ANKS1B: variants seen among roughly 807,000 people sequenced by gnomAD.
ANKS1B encodes ankyrin repeat and sterile alpha motif domain containing 1B, also known as ankyrin repeat and sterile alpha motif domain-containing protein 1B.
Under a neutral mutation model 148.3 loss-of-function variants are expected in ANKS1B, and 36 were observed. The ratio of observed to expected loss-of-function variants is 0.24; its 90% CI spans 0.19 to 0.32. The LOEUF is 0.32. ANKS1B is among the 10% of genes least tolerant of loss of function. The pLI, the probability that ANKS1B is intolerant of heterozygous loss-of-function variation, is 1.00. For synonymous variants in ANKS1B, 542 were observed against 560.8 expected (o/e 0.97, Z 0.47); for missense variants, 1,157 against 1,542.6 (o/e 0.75, Z 4.19).
chr12:98,974,083 T>C (rs2099887371), intron 17 of ANKS1B, among the ~76,000 whole-genome samples: 1 of 152,138 alleles, frequency 6.6e-6, no homozygotes, highest in South Asian at 2.1e-4. Context: ...GTAGGTTATG[T>C]AGTTCAATCT....
At chr12:98,762,344 C>T (rs2098420285) in intron 25 of ANKS1B, among the ~76,000 whole-genome samples, 1 of 152,092 alleles carries the variant, frequency 6.6e-6, no homozygotes, top group South Asian at 2.1e-4. Flanking sequence ...ATCTTTTACC[C>T]AGTCAACTAC....
intron 8 of ANKS1B, among the ~76,000 whole-genome samples, chr12:99,766,915 GA>G (rs1313065085): frequency 6.6e-6 from 1 of 151,180 alleles, no homozygotes; most frequent in Non-Finnish European, 1.5e-5. Context: ...ATAAGCTCTA[GA>G]AATTGGGTTA....
chr12:99,924,234 A>G (rs906026600), intron 1 of ANKS1B, among the ~76,000 whole-genome samples: 2 of 152,172 alleles, frequency 1.3e-5, no homozygotes, highest in African/African-American at 4.8e-5. Flanking sequence ...GAAGAGCAAA[A>G]GACTCTAGAG....
chr12:99,305,162 G>A (rs868823001), intron 12 of ANKS1B, among the ~76,000 whole-genome samples: 34 of 152,024 alleles, frequency 2.2e-4, no homozygotes, highest in African/African-American at 8.2e-4. Context: ...CTCACATGAA[G>A]TCATTACTGT....
chr12:98,921,013 T>C (rs1049247668), intron 17 of ANKS1B, among the ~76,000 whole-genome samples: 9 of 152,202 alleles, frequency 5.9e-5, no homozygotes, highest in African/African-American at 1.9e-4. Flanking sequence ...ATTCAATACA[T>C]GTATATAATT....
At chr12:99,565,314 T>C (rs916708944) in intron 9 of ANKS1B, among the ~76,000 whole-genome samples, 2 of 152,118 alleles carry the variant, frequency 1.3e-5, no homozygotes, top group African/African-American at 4.8e-5. Flanking sequence ...TTGCAATCCA[T>C]TAAGTGCAGC....
intron 14 of ANKS1B, among the ~76,000 whole-genome samples, chr12:99,180,304 T>C (rs2078960570): frequency 6.6e-6 from 1 of 152,214 alleles, no homozygotes; most frequent in Non-Finnish European, 1.5e-5. Flanking sequence ...CACAAGACTT[T>C]AAACACCTAG....
chr12:98,938,806 G>A (rs2099827641), intron 17 of ANKS1B, among the ~76,000 whole-genome samples: 1 of 152,224 alleles, frequency 6.6e-6, no homozygotes, highest in Admixed American at 6.5e-5. Context: ...GACAAAGGCT[G>A]AGCAGAGGAT....
intron 1 of ANKS1B, among the ~76,000 whole-genome samples, chr12:99,930,254 G>A (rs1387525379): frequency 6.6e-6 from 1 of 151,846 alleles, no homozygotes; most frequent in Non-Finnish European, 1.5e-5. Flanking sequence ...TATTCTCTTT[G>A]AAGCAATTGT....
intron 10 of ANKS1B, among the ~76,000 whole-genome samples, chr12:99,482,340 G>A (rs111891928): frequency 3.3e-5 from 5 of 151,890 alleles, no homozygotes; most frequent in African/African-American, 1.2e-4. Context: ...TTGGCTGTAT[G>A]TATTTGGCTT....
intron 9 of ANKS1B, among the ~76,000 whole-genome samples, chr12:99,535,872 G>A (rs2097059905): frequency 6.6e-6 from 1 of 152,192 alleles, no homozygotes; most frequent in South Asian, 2.1e-4. Context: ...ATTTATTCAA[G>A]AAAATCATCA....
chr12:99,967,253 T>C (rs2095495510), intron 1 of ANKS1B, among the ~76,000 whole-genome samples: 1 of 152,194 alleles, frequency 6.6e-6, no homozygotes, highest in African/African-American at 2.4e-5. Flanking sequence ...AGATATTTTA[T>C]ATAAATTATC....
Position 98,829,145 on chromosome 12 carries a change from A to C in ANKS1B, c.3066+29T>G. On this transcript the variant is annotated intron_variant, in intron 19 of 26. Coordinates refer to ENST00000683438, the MANE Select transcript of ANKS1B (RefSeq NM_001352186.2). This position sits in a 1 kb window ranked among gnomAD's most constrained non-coding sequence, Gnocchi z 5.2. ...AAAGGCATTACCTGATATGGTTGAA[A>C]AATATCACAAAGGCTTATAACACCT... 6.2e-7 allele frequency: 1 copy of C among 1,613,458 alleles called. No homozygotes were observed. Among genetic ancestry groups the C allele is most frequent in the Non-Finnish European group, 8.5e-7 (1 of 1,179,550 alleles).
chr12:99,591,005 T>C (rs2097697276), intron 9 of ANKS1B, among the ~76,000 whole-genome samples: 1 of 151,800 alleles, frequency 6.6e-6, no homozygotes, highest in African/African-American at 2.4e-5. Context: ...TACTTCCTCC[T>C]ATATTTTAAG....
chr12:99,708,002 A>G (rs548855816), intron 8 of ANKS1B, among the ~76,000 whole-genome samples: 22 of 152,106 alleles, frequency 1.4e-4, no homozygotes, highest in South Asian at 6.2e-4. Flanking sequence ...TCACTTATCA[A>G]AACTCTATAA....
At chr12:99,648,283 T>A in intron 9 of ANKS1B, 1 of 1,614,006 alleles carries the variant, frequency 6.2e-7, no homozygotes, top group South Asian at 1.1e-5. Context: ...CAAAGGCGAG[T>A]ATACTATATT....
intron 17 of ANKS1B, among the ~76,000 whole-genome samples, chr12:98,880,952 A>T (rs1447983764): frequency 6.6e-6 from 1 of 152,128 alleles, no homozygotes; most frequent in Non-Finnish European, 1.5e-5. Context: ...CCGAAAAAAA[A>T]TTTTGAATGG....
chr12:98,772,872 C>A, intron 25 of ANKS1B, 170 bp downstream of exon 25: 1 of 657,598 alleles, frequency 1.5e-6, no homozygotes, highest in Non-Finnish European at 2.4e-6. Context: ...TTAAGCCTCT[C>A]GGTCTGTGGT....
intron 17 of ANKS1B, among the ~76,000 whole-genome samples, chr12:98,888,389 C>A (rs557099788): frequency 6.6e-6 from 1 of 152,200 alleles, no homozygotes; most frequent in Non-Finnish European, 1.5e-5. Context: ...CTCTCATAGT[C>A]TTCTGTGTGG....
Sources: gnomAD v4.1 joint callset for allele counts (sites outside exome capture counted in the v4.1 genomes callset) on GRCh38, gnomAD v4.1.1 for gene constraint, Gnocchi (gnomAD v3.1) non-coding constraint, MANE v1.5 for transcripts, NCBI Gene and HGNC (gene_info 2026-07-23, HGNC 2026-07-21) for gene names.